CELA1: variants seen among roughly 807,000 people sequenced by gnomAD.
CELA1 encodes the protein chymotrypsin like elastase 1, also known as chymotrypsin-like elastase family member 1.
A neutral mutation model predicts 34.8 loss-of-function variants in CELA1; 28 were observed. That is an observed-to-expected ratio of 0.80 (90% CI 0.60 to 1.10). The LOEUF (loss-of-function observed/expected upper bound fraction) is 1.10, where lower values mean the gene tolerates loss of function less well. Ranked by LOEUF, CELA1 falls within the 50% of genes least tolerant of loss-of-function variation. The pLI, the probability that CELA1 is intolerant of heterozygous loss-of-function variation, is 0.00. For synonymous variants in CELA1, 140 were observed against 129.8 expected, an observed-to-expected ratio of 1.08 and a Z score of -0.53; for missense variants, 288 against 327.5, an observed-to-expected ratio of 0.88 and a Z score of 0.93.
chr12:51,340,149 C>T (rs1946525432), intron 5 of CELA1, 144 bp from the exon 6 acceptor site: 1 of 700,370 alleles, frequency 1.4e-6, no homozygotes, highest in Non-Finnish European at 2.3e-6. Context: ...TGTGGTGGAT[C>T]CTCTGTCTTC....
intron 1 of CELA1, 135 bp downstream of exon 1, chr12:51,346,485 CCCT>C: frequency 1.3e-6 from 1 of 772,508 alleles, no homozygotes; most frequent in Non-Finnish European, 2.2e-6. Context: ...GTCCCACCTG[CCCT>C]GGGACAGGGT....
At chr12:51,328,928 C>A (rs1331685651) in intron 7 of CELA1, among the ~76,000 whole-genome samples, 1 of 152,140 alleles carries the variant, frequency 6.6e-6, no homozygotes, top group African/African-American at 2.4e-5. Context: ...CCTCACCTAA[C>A]TCTCAAGCAT....
intron 6 of CELA1, among the ~76,000 whole-genome samples, chr12:51,331,604 CAG>C (rs1457194812): frequency 6.6e-6 from 1 of 152,108 alleles, no homozygotes; most frequent in Non-Finnish European, 1.5e-5. Flanking sequence ...ATGTGAATAA[CAG>C]AAATTCTAGA....
intron 6 of CELA1, among the ~76,000 whole-genome samples, chr12:51,334,670 G>A (rs1235028668): frequency 2.6e-5 from 4 of 152,106 alleles, no homozygotes; most frequent in African/African-American, 4.8e-5. Flanking sequence ...TCCTGACCTC[G>A]TGATCCGCCT....
At position 51,341,394 on chromosome 12, in the gene CELA1, G is replaced by A. The variant is rs1358326750; in HGVS notation, c.327-14C>T. 6.2e-7 allele frequency: 1 copy of A among 1,613,934 alleles called. No homozygotes were observed. The highest frequency in any genetic ancestry group is 2.2e-5 in the East Asian group (1 of 44,886). ...GCGATGTCATAGCTGCAGGAGAAAAGGAGACTGCTCACTCATGGGATCAGC... is the reference window on the plus strand; with the variant it reads ...GCGATGTCATAGCTGCAGGAGAAAAAGAGACTGCTCACTCATGGGATCAGC... On this transcript the variant is annotated splice_polypyrimidine_tract_variant and intron_variant, in intron 4 of 7. Coordinates refer to ENST00000293636, the MANE Select transcript of CELA1 (RefSeq NM_001971.6).
chr12:51,329,253 C>CAAA (rs71089791), intron 7 of CELA1, among the ~76,000 whole-genome samples: 5 of 102,098 alleles, frequency 4.9e-5, no homozygotes, highest in Admixed American at 1.0e-4. Context: ...GACTCTGTCT[C>CAAA]AAAAAAAAAA....
chr12:51,340,108 C>T, intron 5 of CELA1, 103 bp from the exon 6 acceptor site: 1 of 1,022,972 alleles, frequency 9.8e-7, no homozygotes, highest in South Asian at 1.6e-5. Flanking sequence ...AAGCTGAGCT[C>T]AGGGCAAACT....
chr12:51,328,442 T>C lies in CELA1; in HGVS notation c.*135A>G, dbSNP rs1946448239. On this transcript the variant is annotated 3_prime_UTR_variant, in exon 8 of 8. Transcript: ENST00000293636. Reference sequence around the variant, plus strand: ...TTAATTACAAATAGACACAGTATGATAATGTATATCTAGTTTTATTTGCTT... The same window carrying C: ...TTAATTACAAATAGACACAGTATGACAATGTATATCTAGTTTTATTTGCTT... 1 of 871,492 alleles carries C rather than the reference T, an allele frequency of 1.1e-6. No individual in the cohort carries two copies. Among genetic ancestry groups the C allele is most frequent in the East Asian group, 2.6e-5 (1 of 38,896 alleles). 54.0% of individuals were successfully genotyped at this position (871,492 alleles called of 1,614,324 possible).
chr12:51,330,607 C>T (rs1762939617), intron 6 of CELA1, among the ~76,000 whole-genome samples: 1 of 152,162 alleles, frequency 6.6e-6, no homozygotes, highest in Admixed American at 6.5e-5. Flanking sequence ...AATCAGCCCA[C>T]CCACTCTGGG....
At chr12:51,339,569 A>G (rs1439880622) in intron 6 of CELA1, among the ~76,000 whole-genome samples, 1 of 152,172 alleles carries the variant, frequency 6.6e-6, no homozygotes, top group Non-Finnish European at 1.5e-5. Flanking sequence ...AAATCTAGGT[A>G]ACAAATTCTA....
At position 51,346,611 on chromosome 12, in the gene CELA1, ATATCC is replaced by A; in HGVS notation, c.16+7_16+11del. 1 of 574,356 alleles carries A rather than the reference ATATCC, an allele frequency of 1.7e-6. No individual in the cohort carries two copies. Among genetic ancestry groups the A allele is most frequent in the Non-Finnish European group, 2.4e-6 (1 of 416,734 alleles). The allele number at this position is 574,356 out of a possible 1,614,324, so 35.6% of individuals were successfully genotyped here. A position where few individuals can be genotyped will look rare whatever the true frequency, so the allele number is the denominator to read the frequency against. On this transcript the variant is annotated splice_region_variant and intron_variant, in intron 1 of 7. Transcript: ENST00000293636. ...AAAGGACCAGGGTTGCGACTGGACC[ATATCC>A]ACTTACCATAAAGGACCAGCATGTT...
At position 51,342,971 on chromosome 12, in the gene CELA1, C is replaced by A. The variant is rs1347580106; in HGVS notation, c.201-271G>T. Among the ~76,000 whole-genome samples the A allele has an allele frequency of 5.3e-5, 8 of 152,020 alleles. No individual in the cohort carries two copies. In the East Asian group the frequency reaches 1.5e-3, roughly 29 times the overall value. On this transcript the variant is annotated intron_variant, in intron 3 of 7. Coordinates refer to ENST00000293636, the MANE Select transcript of CELA1 (RefSeq NM_001971.6). ...TTGTTTATTATTTTAGGACAGGAAC[C>A]CATCTTATCTGGTCTAGGCAGAGGA...
In CELA1 at chr12:51,343,790, G is replaced by C. The variant is rs1946551313; in HGVS notation, c.163C>G (p.Gln55Glu). The C allele has an allele frequency of 6.2e-7, 1 of 1,610,918 alleles. No homozygotes were observed. Among genetic ancestry groups the C allele is most frequent in the Non-Finnish European group, 8.5e-7 (1 of 1,177,642 alleles). Residue 55 changes from glutamine (Q) to glutamate (E), a missense_variant, in exon 3 of 8, where the codon CAG becomes GAG. Physicochemically the swap from Gln to Glu is conservative, Grantham distance 29 (BLOSUM62 2). Coordinates refer to ENST00000293636, the MANE Select transcript of CELA1 (RefSeq NM_001971.6). Reference sequence around the variant, plus strand: ...TGAGCAGCTGTCATCACCCAGTTCTGTCTGATAAGGGTCCCTCCACAGGTG... The same window carrying C: ...TGAGCAGCTGTCATCACCCAGTTCTCTCTGATAAGGGTCCCTCCACAGGTG... ...YHTCGGTLIR[Q>E]NWVMTAAHCV...
At position 51,341,347 on chromosome 12, in the gene CELA1, G is replaced by A. The variant is rs145946961; in HGVS notation, c.360C>T (p.Ser120=). Residue 120 remains serine (S), a synonymous_variant, in exon 5 of 8, where the codon AGC becomes AGT. Coordinates refer to ENST00000293636, the MANE Select transcript of CELA1 (RefSeq NM_001971.6). Reference sequence around the variant, plus strand: ...GCTGGACATAGCTATTGAGGGTAACGCTCTGGGCCAGGCGCAGCAGGGCGA... The same window carrying A: ...GCTGGACATAGCTATTGAGGGTAACACTCTGGGCCAGGCGCAGCAGGGCGA... The part of the protein sequence containing the change: ...YDIALLRLAQ[S]VTLNSYVQLG... The A allele has an allele frequency of 1.1e-5, 17 of 1,614,164 alleles. No individual in the cohort carries two copies. The highest frequency in any genetic ancestry group is 4.5e-5 in the East Asian group (2 of 44,886).
chr12:51,334,437 C>CT (rs955464596), intron 6 of CELA1, among the ~76,000 whole-genome samples: 174 of 149,514 alleles, frequency 1.2e-3, no homozygotes, highest in East Asian at 1.2e-3. Flanking sequence ...CTTTTTAATC[C>CT]TTTTTTTTTT....
chr12:51,337,515 T>TGAC (rs1375425217), intron 6 of CELA1, among the ~76,000 whole-genome samples: 1 of 105,886 alleles, frequency 9.4e-6, no homozygotes, highest in Admixed American at 1.6e-4. Context: ...CCAGCCTGAG[T>TGAC]GACAGAGCAA....
chr12:51,329,638 G>C (rs1946456849), intron 7 of CELA1, 46 bp downstream of exon 7: 2 of 1,543,792 alleles, frequency 1.3e-6, no homozygotes, highest in African/African-American at 1.4e-5. Context: ...CCAGTGCGTA[G>C]GTCTCCAGGT....
chr12:51,345,138 A>C (rs1021614566), intron 2 of CELA1, among the ~76,000 whole-genome samples: 1 of 148,352 alleles, frequency 6.7e-6, no homozygotes, highest in Non-Finnish European at 1.5e-5. Flanking sequence ...AAAAAAAAAA[A>C]TACCAATAGG....
intron 2 of CELA1, among the ~76,000 whole-genome samples, chr12:51,344,487 T>A (rs2137484499): frequency 6.6e-6 from 1 of 151,596 alleles, no homozygotes; most frequent in South Asian, 2.1e-4. Flanking sequence ...GGTCAGGAGA[T>A]CAAGACCATC....
Sources: gnomAD v4.1 joint callset for allele counts (sites outside exome capture counted in the v4.1 genomes callset) on GRCh38, gnomAD v4.1.1 for gene constraint, MANE v1.5 for transcripts, NCBI Gene and HGNC (gene_info 2026-07-23, HGNC 2026-07-21) for gene names.